The following FAT3 variants were observed in gnomAD, a reference collection of about 807,000 sequenced individuals.
FAT3 encodes the protein protocadherin Fat 3.
Under a neutral mutation model 310.2 loss-of-function variants are expected in FAT3, and 95 were observed. That is an observed-to-expected ratio of 0.31 (90% CI 0.26 to 0.36). The LOEUF (loss-of-function observed/expected upper bound fraction) is 0.36, where lower values mean the gene tolerates loss of function less well. FAT3 is among the 10% of genes least tolerant of loss of function. The pLI is 1.00. For synonymous variants in FAT3, 2,314 were observed against 2,192.9 expected (o/e 1.06, Z -1.54); for missense variants, 5,408 against 5,715.6 (o/e 0.95, Z 1.74).
chr11:92,836,924 A>G (rs1948423877), intron 16 of FAT3, among the ~76,000 whole-genome samples: 1 of 152,192 alleles, frequency 6.6e-6, no homozygotes, highest in South Asian at 2.1e-4. Context: ...GAAAAGATAA[A>G]TATGTATCTT....
intron 1 of FAT3, among the ~76,000 whole-genome samples, chr11:92,276,695 A>G (rs1946283326): frequency 6.6e-6 from 1 of 152,148 alleles, no homozygotes. Context: ...AAGCTCAGTT[A>G]GACCTACTGT....
At chr11:92,576,851 A>AT (rs1374082200) in intron 3 of FAT3, among the ~76,000 whole-genome samples, 3 of 152,064 alleles carry the variant, frequency 2.0e-5, no homozygotes, top group Non-Finnish European at 4.4e-5. Flanking sequence ...CACTGAAGCT[A>AT]TTTTTTTAAA....
chr11:92,439,050 C>A (rs1439831472), intron 2 of FAT3, among the ~76,000 whole-genome samples: 7 of 152,158 alleles, frequency 4.6e-5, no homozygotes, highest in Admixed American at 4.6e-4. Context: ...CTTGTGTTGG[C>A]AGATCACTGA....
At chr11:92,275,472 G>A (rs1946245455) in intron 1 of FAT3, among the ~76,000 whole-genome samples, 1 of 151,816 alleles carries the variant, frequency 6.6e-6, no homozygotes, top group Non-Finnish European at 1.5e-5. Flanking sequence ...GCAAACATAA[G>A]AATAAGCATG....
At chr11:92,820,581 G>A (rs774826529) in intron 13 of FAT3, among the ~76,000 whole-genome samples, 1 of 152,068 alleles carries the variant, frequency 6.6e-6, no homozygotes, top group Admixed American at 6.5e-5. Flanking sequence ...GGCTCACATG[G>A]TGAGGGGTCA....
Position 92,604,582 on chromosome 11 carries a change from C to A in FAT3, c.3607+79634C>A, listed in dbSNP as rs534761093. On this transcript the variant is annotated intron_variant, in intron 3 of 27. Coordinates refer to ENST00000525166, the MANE Select transcript of FAT3 (RefSeq NM_001367949.2). ...TAAACTAGATATGGGTATTTTGGCACTCACTGCTTTTAGTAATTGACCCTA... is the reference window on the plus strand; with the variant it reads ...TAAACTAGATATGGGTATTTTGGCAATCACTGCTTTTAGTAATTGACCCTA... Among the ~76,000 whole-genome samples the A allele has an allele frequency of 4.6e-5, 7 of 152,286 alleles. No individual in the cohort carries two copies. In the East Asian group the frequency reaches 1.4e-3, roughly 29 times the overall value.
At chr11:92,564,580 A>G (rs980064550) in intron 3 of FAT3, among the ~76,000 whole-genome samples, 1 of 152,120 alleles carries the variant, frequency 6.6e-6, no homozygotes, top group Non-Finnish European at 1.5e-5. Flanking sequence ...TCAACAGAAT[A>G]TACATTTTTT....
chr11:92,889,109 T>G, intron 25 of FAT3, 80 bp from the exon 26 acceptor site: 1 of 632,072 alleles, frequency 1.6e-6, no homozygotes. Flanking sequence ...TTGTTGTTGT[T>G]AAAATAAGGT....
intron 26 of FAT3, among the ~76,000 whole-genome samples, chr11:92,889,528 T>G (rs948025118): frequency 6.6e-6 from 1 of 152,234 alleles, no homozygotes; most frequent in African/African-American, 2.4e-5. Context: ...TATCTTTATA[T>G]TCAACATGTG....
chr11:92,351,851 G>A (rs1271041012), intron 1 of FAT3, among the ~76,000 whole-genome samples: 1 of 152,154 alleles, frequency 6.6e-6, no homozygotes. Context: ...TAGTATAAAA[G>A]TGTTATTTAA....
At chr11:92,276,625 G>T (rs547348735) in intron 1 of FAT3, among the ~76,000 whole-genome samples, 1 of 152,200 alleles carries the variant, frequency 6.6e-6, no homozygotes, top group African/African-American at 2.4e-5. Flanking sequence ...TGCATCTTCG[G>T]TCTGGGTGCC....
At chr11:92,411,113 T>A (rs1225649373) in intron 2 of FAT3, among the ~76,000 whole-genome samples, 1 of 32,542 alleles carries the variant, frequency 3.1e-5, no homozygotes, top group African/African-American at 7.5e-5. Context: ...TATATAAAAA[T>A]ATATATATTT....
intron 1 of FAT3, among the ~76,000 whole-genome samples, chr11:92,281,232 G>A (rs1389558452): frequency 6.6e-6 from 1 of 152,062 alleles, no homozygotes; most frequent in Non-Finnish European, 1.5e-5. Context: ...TATGTTAAGT[G>A]GGGAGTGGAA....
rs184164397 is a variant in FAT3, at chr11:92,426,146, T to C, written c.3292+70742T>C. On this transcript the variant is annotated intron_variant, in intron 2 of 27. Coordinates refer to ENST00000525166, the MANE Select transcript of FAT3 (RefSeq NM_001367949.2). ...TCTCTAATGACCAGTGATGATGACC[T>C]TTTTTTCATATGTTTGTTGGCTGCA... Among the ~76,000 whole-genome samples the C allele has an allele frequency of 7.8e-3, 1,187 of 152,266 alleles. 10 individuals are homozygous for C. The highest frequency in any genetic ancestry group is 0.028 in the African/African-American group (1,150 of 41,560).
intron 4 of FAT3, among the ~76,000 whole-genome samples, chr11:92,735,248 G>A (rs2136010277): frequency 6.6e-6 from 1 of 152,156 alleles, no homozygotes; most frequent in Middle Eastern, 3.4e-3. Context: ...GTCACTAGGG[G>A]GCTAATCATA....
intron 2 of FAT3, among the ~76,000 whole-genome samples, chr11:92,357,588 C>T (rs1395208533): frequency 6.6e-6 from 1 of 152,078 alleles, no homozygotes; most frequent in Admixed American, 6.6e-5. Flanking sequence ...CTTTGAGACT[C>T]AGGTAAATGT....
At chr11:92,830,971 G>T (rs74967280) in intron 13 of FAT3, among the ~76,000 whole-genome samples, 10 of 152,118 alleles carry the variant, frequency 6.6e-5, no homozygotes, top group Non-Finnish European at 1.3e-4. Flanking sequence ...TGTTCAGGCC[G>T]CCAAGATCAC....
chr11:92,312,138 A>T (rs984253806), intron 1 of FAT3, among the ~76,000 whole-genome samples: 1 of 152,096 alleles, frequency 6.6e-6, no homozygotes, highest in Non-Finnish European at 1.5e-5. Context: ...AAAATCAGTG[A>T]CTCTCAACCT....
At chr11:92,536,211 G>A (rs192764011) in intron 3 of FAT3, among the ~76,000 whole-genome samples, 136 of 152,242 alleles carry the variant, frequency 8.9e-4, no homozygotes, top group African/African-American at 3.2e-3. Flanking sequence ...AAAGCATATG[G>A]AACTTTAACA....
Sources: gnomAD v4.1 joint callset for allele counts (sites outside exome capture counted in the v4.1 genomes callset) on GRCh38, gnomAD v4.1.1 for gene constraint, MANE v1.5 for transcripts, NCBI Gene and HGNC (gene_info 2026-07-23, HGNC 2026-07-21) for gene names.